The following CD6 variants were observed in gnomAD, a reference collection of about 807,000 sequenced individuals.
CD6 encodes T-cell differentiation antigen CD6.
In CD6, 53 loss-of-function variants were observed where a neutral mutation model predicts 75.3. The observed-to-expected ratio is 0.70, with a 90% CI of 0.56 to 0.88. The LOEUF (loss-of-function observed/expected upper bound fraction) is 0.88. Ranked by LOEUF, CD6 falls within the 40% of genes least tolerant of loss-of-function variation. The pLI, the probability that CD6 is intolerant of heterozygous loss-of-function variation, is 0.00. For synonymous variants in CD6, 359 were observed against 381.5 expected (o/e 0.94, Z 0.69); for missense variants, 770 against 897.1 (o/e 0.86, Z 1.81).
At chr11:60,986,718 C>T (rs1010733065) in intron 1 of CD6, among the ~76,000 whole-genome samples, 5 of 152,166 alleles carry the variant, frequency 3.3e-5, no homozygotes, top group African/African-American at 1.2e-4. Context: ...CCAGAATGCC[C>T]TAGAAGCTCT....
chr11:61,006,923 G>A (rs1469614944), intron 2 of CD6, among the ~76,000 whole-genome samples: 2 of 152,148 alleles, frequency 1.3e-5, no homozygotes, highest in African/African-American at 4.8e-5. Context: ...CTTGGTGGGG[G>A]AGGCAGGGTC....
intron 5 of CD6, among the ~76,000 whole-genome samples, chr11:61,010,667 T>C (rs574593795): frequency 6.6e-6 from 1 of 152,300 alleles, no homozygotes; most frequent in East Asian, 1.9e-4. Context: ...CTGAGGGACT[T>C]CTAAGCTCAT....
chr11:61,018,800 G>A (rs1859546868), intron 12 of CD6: 2 of 252,324 alleles, frequency 7.9e-6, no homozygotes, highest in South Asian at 2.1e-4. Context: ...GCCCCTGCAG[G>A]GTCAGAGCAA....
chr11:60,992,696 C>T (rs1317798531), intron 1 of CD6, among the ~76,000 whole-genome samples: 4 of 151,928 alleles, frequency 2.6e-5, no homozygotes, highest in South Asian at 2.1e-4. Flanking sequence ...AGCATGGTGG[C>T]GTGCACCTGT....
chr11:60,994,735 G>A (rs1007089417), intron 1 of CD6, among the ~76,000 whole-genome samples: 6 of 152,142 alleles, frequency 3.9e-5, no homozygotes, highest in East Asian at 1.9e-4. Flanking sequence ...GTTTATTACC[G>A]ATCTATGTTC....
Position 61,012,887 on chromosome 11 carries a change from C to G in CD6, c.1151-536C>G, listed in dbSNP as rs559680689. ...CACTGCCAGAGGTGGCTCAGAGTCA[C>G]TGTCTCTGGGAAGTCAGCGTTGGTC... is the stretch of plus-strand genomic sequence containing the variant. On this transcript the variant is annotated intron_variant, in intron 6 of 12. Transcript: ENST00000313421. 2.0e-5 allele frequency among the ~76,000 whole-genome samples: 3 copies of G among 152,326 alleles called. No individual in the cohort carries two copies. The South Asian group carries it at 6.2e-4, about 32-fold the overall frequency.
At chr11:61,003,194 A>T (rs552473645) in intron 1 of CD6, among the ~76,000 whole-genome samples, 48 of 152,200 alleles carry the variant, frequency 3.2e-4, no homozygotes, top group Admixed American at 2.8e-3. Context: ...CGGACTCCTG[A>T]CCTCAGGTAA....
At chr11:61,008,488 T>C (rs778119453) in intron 3 of CD6, 46 bp from the exon 4 acceptor site, 44 of 1,497,398 alleles carry the variant, frequency 2.9e-5, no homozygotes, top group Non-Finnish European at 3.7e-5. Flanking sequence ...CAACCCTCCC[T>C]TCCTGGTCGG....
chr11:60,989,058 T>TGCTCGA (rs1857947906), intron 1 of CD6, among the ~76,000 whole-genome samples: 1 of 152,226 alleles, frequency 6.6e-6, no homozygotes. Flanking sequence ...TCCAGGTGTT[T>TGCTCGA]GCTCGAGCTG....
At chr11:60,992,781 T>A (rs1858119790) in intron 1 of CD6, among the ~76,000 whole-genome samples, 1 of 151,956 alleles carries the variant, frequency 6.6e-6, no homozygotes, top group East Asian at 1.9e-4. Flanking sequence ...TGAACCAAGA[T>A]CGTGCCACTA....
At position 61,009,699 on chromosome 11, in the gene CD6, C is replaced by T. The variant is rs758147068; in HGVS notation, c.909C>T (p.Cys303=). 1.2e-6 allele frequency: 2 copies of T among 1,614,084 alleles called. No individual in the cohort carries two copies. Among genetic ancestry groups the T allele is most frequent in the Non-Finnish European group, 1.7e-6 (2 of 1,180,008 alleles). ...ACCCATCGGAGGCCAAGGTGCTCTG[C>T]CAGTCCTTGGGCTGTGGAACTGCGG... is the stretch of plus-strand genomic sequence containing the variant. The part of the protein sequence containing the change: ...EWYPSEAKVL[C]QSLGCGTAVE... Residue 303 remains cysteine, a synonymous_variant, in exon 5 of 13, where the codon TGC becomes TGT. Coordinates refer to ENST00000313421, the MANE Select transcript of CD6 (RefSeq NM_006725.5).
Position 61,006,574 on chromosome 11 carries a change from G to C in CD6, c.50G>C (p.Gly17Ala). Residue 17 changes from glycine to alanine, a missense_variant and splice_region_variant, in exon 2 of 13, where the codon GGT becomes GCT. Coordinates refer to ENST00000313421, the MANE Select transcript of CD6 (RefSeq NM_006725.5). ...CCATGCTGCTGCTGGTTCATTTCAGGTCATCCATCTCCAGCCCCACCTGAC... is the reference window on the plus strand; with the variant it reads ...CCATGCTGCTGCTGGTTCATTTCAGCTCATCCATCTCCAGCCCCACCTGAC... Reference protein sequence around the residue: ...ITGLLTAALSGHPSPAPPDQL... With the variant: ...ITGLLTAALSAHPSPAPPDQL... 1 of 1,603,034 alleles carries C rather than the reference G, an allele frequency of 6.2e-7. No individual in the cohort carries two copies.
chr11:60,977,298 C>G (rs1436662791), intron 1 of CD6, among the ~76,000 whole-genome samples: 2 of 152,208 alleles, frequency 1.3e-5, no homozygotes, highest in Non-Finnish European at 2.9e-5. Context: ...AGGACAGGAG[C>G]TTGGAGTGTA....
intron 4 of CD6, 64 bp downstream of exon 4, chr11:61,008,909 C>A: frequency 7.2e-7 from 1 of 1,387,176 alleles, no homozygotes; most frequent in Non-Finnish European, 9.5e-7. Flanking sequence ...TACTGGGCGC[C>A]AAGCCTGGAG....
At chr11:61,009,258 C>G (rs1224361700) in intron 4 of CD6, among the ~76,000 whole-genome samples, 2 of 152,116 alleles carry the variant, frequency 1.3e-5, no homozygotes, top group Non-Finnish European at 2.9e-5. Flanking sequence ...CTTTGATAAG[C>G]AGGAGATGGG....
chr11:60,992,128 C>A (rs1378980311), intron 1 of CD6, among the ~76,000 whole-genome samples: 2 of 152,164 alleles, frequency 1.3e-5, no homozygotes, highest in Admixed American at 1.3e-4. Flanking sequence ...AATCCACCCA[C>A]CTTGGCCTCC....
chr11:61,014,451 G>T (rs554819880), intron 8 of CD6, among the ~76,000 whole-genome samples: 41 of 152,272 alleles, frequency 2.7e-4, no homozygotes, highest in African/African-American at 9.4e-4. Context: ...AAAACAAATT[G>T]GGGCTGGGTA....
At chr11:60,994,443 C>T (rs1470809829) in intron 1 of CD6, among the ~76,000 whole-genome samples, 1 of 78,872 alleles carries the variant, frequency 1.3e-5, no homozygotes, top group Non-Finnish European at 3.1e-5. Context: ...TCATCCCCTC[C>T]CCAACACCCC....
rs145709703 is a variant in CD6, at chr11:60,971,922, C to T, written c.49+8C>T. ...TGACGGCAGCCCTCTCAGGTAGGCC[C>T]CCTTCCCTCATCTCCTGCCACTGGT... is the stretch of plus-strand genomic sequence containing the variant. On this transcript the variant is annotated splice_region_variant and intron_variant, in intron 1 of 12. Coordinates refer to ENST00000313421, the MANE Select transcript of CD6 (RefSeq NM_006725.5). The T allele has an allele frequency of 3.7e-4, 596 of 1,613,708 alleles. 2 individuals carry two copies. The African/African-American group carries it at 6.8e-3, about 18-fold the overall frequency.
Sources: allele counts gnomAD v4.1 joint callset (sites outside exome capture counted in the v4.1 genomes callset), GRCh38; gene constraint gnomAD v4.1.1; transcripts MANE v1.5; gene names NCBI Gene and HGNC (gene_info 2026-07-23, HGNC 2026-07-21).